MAML3: variants seen among roughly 807,000 people sequenced by gnomAD.
MAML3 encodes the protein mastermind like transcriptional coactivator 3, also known as mastermind-like protein 3.
In MAML3, 27 loss-of-function variants were observed where a neutral mutation model predicts 101.9. That is an observed-to-expected ratio of 0.27 (90% confidence interval 0.20 to 0.37). MAML3 has a LOEUF of 0.37. MAML3 is among the 10% of genes least tolerant of loss of function. The probability of loss-of-function intolerance (pLI) is 1.00; values close to 1 mark genes in which losing one functional copy is unlikely to be tolerated. For synonymous variants in MAML3, 501 were observed against 555.9 expected (o/e 0.90, Z 1.39); for missense variants, 1,316 against 1,444.9 (o/e 0.91, Z 1.45).
intron 2 of MAML3, among the ~76,000 whole-genome samples, chr4:139,867,541 T>C (rs934346648): frequency 6.6e-6 from 1 of 152,136 alleles, no homozygotes; most frequent in Non-Finnish European, 1.5e-5. Flanking sequence ...TATCATCTCA[T>C]TTGGCCAATG....
chr4:140,088,973 A>G (rs1012083107), intron 1 of MAML3, among the ~76,000 whole-genome samples: 3 of 152,248 alleles, frequency 2.0e-5, no homozygotes, highest in Non-Finnish European at 2.9e-5. Context: ...CCACTGGTTG[A>G]GTGCTCTAGA....
chr4:140,035,308 A>G (rs989991934), intron 1 of MAML3, among the ~76,000 whole-genome samples: 1 of 152,128 alleles, frequency 6.6e-6, no homozygotes, highest in Admixed American at 6.5e-5. Flanking sequence ...ACCCTGAAAA[A>G]CAGAAAGTTC....
intron 2 of MAML3, among the ~76,000 whole-genome samples, chr4:139,761,964 T>C (rs1260279459): frequency 6.6e-6 from 1 of 152,000 alleles, no homozygotes; most frequent in Non-Finnish European, 1.5e-5. Flanking sequence ...TATTGCTGGA[T>C]TGTGAAGCAT....
rs1382094448 is a variant in MAML3, at chr4:139,730,466, C to T, written c.2281G>A (p.Glu761Lys). Residue 761 changes from glutamate (E) to lysine (K), a missense_variant, in exon 3 of 5, where the codon GAG becomes AAG. Physicochemically the swap from Glu to Lys is moderately conservative, Grantham distance 56 (BLOSUM62 1). Transcript: ENST00000509479. ...TGCTGCTGCTGCTGCTGCCTTTGCT[C>T]CCGCAGGAACTGTTGCTTCTGCTGC... Reference protein sequence around the residue: ...IEQQKQQFLREQRQQQQQQQQ... With the variant: ...IEQQKQQFLRKQRQQQQQQQQ... The T allele has an allele frequency of 1.9e-6, 3 of 1,552,384 alleles. No homozygotes were observed. The highest frequency in any genetic ancestry group is 2.6e-6 in the Non-Finnish European group (3 of 1,147,492).
At chr4:139,772,000 GA>G (rs1729994479) in intron 2 of MAML3, among the ~76,000 whole-genome samples, 1 of 151,552 alleles carries the variant, frequency 6.6e-6, no homozygotes, top group Non-Finnish European at 1.5e-5. Context: ...AGCACTTTGG[GA>G]GGCCGAGGTG....
chr4:139,768,827 T>C (rs1729916499), intron 2 of MAML3, among the ~76,000 whole-genome samples: 1 of 152,204 alleles, frequency 6.6e-6, no homozygotes, highest in Non-Finnish European at 1.5e-5. Context: ...ATGCTGGGCA[T>C]TCACTCTTCA....
intron 2 of MAML3, among the ~76,000 whole-genome samples, chr4:139,857,224 G>C (rs1373198860): frequency 6.6e-6 from 1 of 152,166 alleles, no homozygotes; most frequent in East Asian, 1.9e-4. Context: ...GCTGTCTGTT[G>C]AGCCACTCTT....
chr4:139,955,117 G>A (rs1049726227), intron 1 of MAML3, among the ~76,000 whole-genome samples: 1 of 151,904 alleles, frequency 6.6e-6, no homozygotes, highest in Non-Finnish European at 1.5e-5. Flanking sequence ...GGACTAAAAG[G>A]CCATCCAACC....
chr4:140,144,516 C>A (rs530343456), intron 1 of MAML3, among the ~76,000 whole-genome samples: 1 of 138,564 alleles, frequency 7.2e-6, no homozygotes, highest in Non-Finnish European at 1.5e-5. Flanking sequence ...GGTGACAGAG[C>A]GAGACCCTGT....
At chr4:139,849,150 T>G (rs536952958) in intron 2 of MAML3, among the ~76,000 whole-genome samples, 1 of 152,214 alleles carries the variant, frequency 6.6e-6, no homozygotes, top group Admixed American at 6.5e-5. Context: ...GATTCCTATT[T>G]AATAGTATAT....
intron 1 of MAML3, among the ~76,000 whole-genome samples, chr4:139,959,953 T>C (rs1009618204): frequency 3.9e-5 from 6 of 152,200 alleles, no homozygotes; most frequent in African/African-American, 1.4e-4. Flanking sequence ...TTCTATACCC[T>C]ACCCTGTGCC....
At chr4:140,084,445 G>C (rs1358521877) in intron 1 of MAML3, among the ~76,000 whole-genome samples, 10 of 152,100 alleles carry the variant, frequency 6.6e-5, no homozygotes, top group Non-Finnish European at 4.4e-5. Flanking sequence ...CTAAATATCA[G>C]GCAGGCTCCT....
intron 1 of MAML3, among the ~76,000 whole-genome samples, chr4:139,906,950 T>C (rs1732833231): frequency 6.6e-6 from 1 of 152,082 alleles, no homozygotes; most frequent in Non-Finnish European, 1.5e-5. Context: ...GAAAGGAAGA[T>C]TTTTACTGCA....
chr4:139,873,526 C>T (rs772653139), intron 2 of MAML3, among the ~76,000 whole-genome samples: 5 of 152,216 alleles, frequency 3.3e-5, no homozygotes, highest in Non-Finnish European at 5.9e-5. Context: ...AATTATTTTG[C>T]TTCTAATGAA....
intron 2 of MAML3, among the ~76,000 whole-genome samples, chr4:139,864,884 G>T (rs34236292): frequency 0.28 from 37,875 of 134,408 alleles, 6,477 homozygotes; most frequent in East Asian, 0.7. Flanking sequence ...AGTGAAATAT[G>T]GATAAAAATA....
At chr4:140,010,871 G>A (rs1726539964) in intron 1 of MAML3, among the ~76,000 whole-genome samples, 1 of 152,014 alleles carries the variant, frequency 6.6e-6, no homozygotes, top group South Asian at 2.1e-4. Context: ...GGGAGGCCGA[G>A]GCAGGCAGAT....
intron 1 of MAML3, among the ~76,000 whole-genome samples, chr4:140,015,906 T>C (rs543367492): frequency 2.0e-5 from 3 of 152,266 alleles, no homozygotes; most frequent in African/African-American, 4.8e-5. Context: ...TCAGCCCAGA[T>C]TGTGCCACTG....
chr4:140,130,177 A>G (rs1046238263), intron 1 of MAML3, among the ~76,000 whole-genome samples: 1 of 152,194 alleles, frequency 6.6e-6, no homozygotes, highest in Non-Finnish European at 1.5e-5. Flanking sequence ...TTGTTTTTCA[A>G]TTGTGGCATG....
intron 3 of MAML3, 138 bp downstream of exon 3, chr4:139,730,278 C>G (rs1728646628): frequency 1.3e-6 from 1 of 754,964 alleles, no homozygotes; most frequent in Admixed American, 2.3e-5. Flanking sequence ...TCTTCAGGTT[C>G]TCTTGTGATC....
Sources: gnomAD v4.1 joint callset for allele counts (sites outside exome capture counted in the v4.1 genomes callset) on GRCh38, gnomAD v4.1.1 for gene constraint, MANE v1.5 for transcripts, NCBI Gene and HGNC (gene_info 2026-07-23, HGNC 2026-07-21) for gene names.